The following GRIP1 variants were observed in gnomAD, a reference collection of about 807,000 sequenced individuals.
GRIP1 encodes glutamate receptor interacting protein 1.
In GRIP1, 45 loss-of-function variants were observed where a neutral mutation model predicts 129.9. The ratio of observed to expected loss-of-function variants is 0.35; its 90% CI spans 0.27 to 0.44. GRIP1 has a LOEUF of 0.44. Ranked by LOEUF, GRIP1 falls within the 20% of genes least tolerant of loss-of-function variation. The pLI is 1.00. For synonymous variants in GRIP1, 530 were observed against 520.8 expected, an observed-to-expected ratio of 1.02 and a Z score of -0.24; for missense variants, 1,196 against 1,396.8, an observed-to-expected ratio of 0.86 and a Z score of 2.29.
intron 15 of GRIP1, among the ~76,000 whole-genome samples, chr12:66,416,452 A>C (rs1385473061): frequency 6.6e-6 from 1 of 152,176 alleles, no homozygotes; most frequent in African/African-American, 2.4e-5. Flanking sequence ...AACAATGCAA[A>C]GATCAATGAA....
At chr12:66,497,987 T>C (rs1040239696) in intron 7 of GRIP1, among the ~76,000 whole-genome samples, 2 of 151,720 alleles carry the variant, frequency 1.3e-5, no homozygotes, top group Admixed American at 1.3e-4. Flanking sequence ...TCCTGGCTCA[T>C]CCTGGCTCAA....
intron 3 of GRIP1, 53 bp from the exon 4 acceptor site, chr12:66,539,276 C>A (rs139964262): frequency 6.2e-7 from 1 of 1,611,146 alleles, no homozygotes; most frequent in African/African-American, 1.3e-5. Flanking sequence ...ATAGGCCAGT[C>A]TGACTATATT....
chr12:67,026,921 G>C (rs2042949436), intron 1 of GRIP1, among the ~76,000 whole-genome samples: 1 of 152,128 alleles, frequency 6.6e-6, no homozygotes, highest in Non-Finnish European at 1.5e-5. Flanking sequence ...TGTGTTTGTA[G>C]TTTTTTGTTG....
intron 1 of GRIP1, among the ~76,000 whole-genome samples, chr12:66,842,977 T>C (rs977961960): frequency 1.3e-4 from 20 of 152,176 alleles, no homozygotes; most frequent in African/African-American, 4.6e-4. Flanking sequence ...CAAAATATCA[T>C]ATACATCTGT....
chr12:66,601,711 G>C lies in GRIP1; in HGVS notation c.56-4784C>G, dbSNP rs535980635. On this transcript the variant is annotated intron_variant, in intron 1 of 24. Coordinates refer to ENST00000359742, the MANE Select transcript of GRIP1 (RefSeq NM_001366722.1). The stretch of plus-strand genomic sequence containing the variant: ...AGTTAAACATTATGACCATTTCCCA[G>C]CAGAGAGGAGACAGGCAGGGCATGC... Among the ~76,000 whole-genome samples the C allele has an allele frequency of 1.1e-4, 17 of 152,324 alleles. 1 individual carries two copies. The South Asian group carries it at 3.3e-3, about 30-fold the overall frequency.
At chr12:66,718,777 G>A (rs969582068) in intron 1 of GRIP1, among the ~76,000 whole-genome samples, 1 of 152,044 alleles carries the variant, frequency 6.6e-6, no homozygotes, top group African/African-American at 2.4e-5. Flanking sequence ...GCTTGAAGAT[G>A]GGAGGTGGAG....
chr12:66,808,268 TG>T (rs1272302768), upstream of GRIP1, among the ~76,000 whole-genome samples: 1 of 152,028 alleles, frequency 6.6e-6, no homozygotes, highest in Non-Finnish European at 1.5e-5. Flanking sequence ...TTGGCTCACA[TG>T]AATGTTTGTG....
rs921779620 is a variant in GRIP1, at chr12:66,901,113, A to G, written c.58+167937T>C. ...ATTTTTAAGTTTAAAATGAAAGGAA[A>G]TCTTGATTACATGGGTTAAAAGAAC... On this transcript the variant is annotated intron_variant, in intron 1 of 1. Coordinates refer to the GRIP1 transcript ENST00000643019. 3.3e-5 allele frequency among the ~76,000 whole-genome samples: 5 copies of G among 152,212 alleles called. No homozygotes were observed. In the South Asian group the frequency reaches 6.2e-4, roughly 19 times the overall value.
intron 1 of GRIP1, among the ~76,000 whole-genome samples, chr12:66,816,623 A>C (rs763655360): frequency 6.6e-6 from 1 of 152,208 alleles, no homozygotes; most frequent in East Asian, 1.9e-4. Flanking sequence ...ACACTGGTAC[A>C]TTTTAAGAAA....
chr12:67,032,946 T>A (rs2135784147), intron 1 of GRIP1, among the ~76,000 whole-genome samples: 1 of 152,290 alleles, frequency 6.6e-6, no homozygotes, highest in Admixed American at 6.5e-5. Flanking sequence ...ATTATTTAAA[T>A]AATTTACATT....
intron 1 of GRIP1, among the ~76,000 whole-genome samples, chr12:66,628,758 C>T (rs906433274): frequency 7.9e-5 from 12 of 152,170 alleles, no homozygotes; most frequent in African/African-American, 2.4e-4. Flanking sequence ...GGTTAGAGGC[C>T]GGGGACGCTG....
At chr12:66,625,234 A>G (rs553700356) in intron 1 of GRIP1, among the ~76,000 whole-genome samples, 2 of 152,272 alleles carry the variant, frequency 1.3e-5, no homozygotes, top group Non-Finnish European at 2.9e-5. Flanking sequence ...TTCTTAACCA[A>G]TGTAACTCGC....
intron 1 of GRIP1, among the ~76,000 whole-genome samples, chr12:66,856,034 A>C (rs1361241584): frequency 6.6e-6 from 1 of 152,062 alleles, no homozygotes; most frequent in African/African-American, 2.4e-5. Flanking sequence ...AGAAAATTTT[A>C]TAGCATTTCT....
chr12:66,991,093 A>C (rs559780102), intron 1 of GRIP1, among the ~76,000 whole-genome samples: 91 of 152,212 alleles, frequency 6.0e-4, no homozygotes, highest in African/African-American at 2.2e-3. Flanking sequence ...TAACAGGGTG[A>C]AATCCCGTCT....
intron 2 of GRIP1, among the ~76,000 whole-genome samples, chr12:66,578,405 G>A (rs1246632295): frequency 1.3e-5 from 2 of 151,704 alleles, no homozygotes; most frequent in African/African-American, 4.8e-5. Context: ...GACAGTGGGT[G>A]CAGGTCAGTG....
chr12:66,547,372 T>C (rs765561127), intron 2 of GRIP1, among the ~76,000 whole-genome samples: 11 of 152,188 alleles, frequency 7.2e-5, no homozygotes, highest in Admixed American at 3.9e-4. Context: ...TAGCAGTTTA[T>C]TAGAAAACTA....
chr12:66,905,838 C>G (rs908001224), intron 1 of GRIP1, among the ~76,000 whole-genome samples: 2 of 152,186 alleles, frequency 1.3e-5, no homozygotes, highest in African/African-American at 2.4e-5. Flanking sequence ...TCGCAAGTTA[C>G]CTTAATAAAA....
At chr12:66,549,045 T>G (rs2062038361) in intron 2 of GRIP1, among the ~76,000 whole-genome samples, 1 of 152,190 alleles carries the variant, frequency 6.6e-6, no homozygotes, top group Non-Finnish European at 1.5e-5. Context: ...AAAAATACTA[T>G]TAACAGTTAA....
intron 24 of GRIP1, among the ~76,000 whole-genome samples, chr12:66,351,555 GGTTT>G (rs2054222069): frequency 1.4e-5 from 2 of 143,514 alleles, no homozygotes; most frequent in Non-Finnish European, 1.5e-5. Context: ...ACAGGAAGGT[GGTTT>G]TTTTTTTTTT....
Sources: gnomAD v4.1 joint callset for allele counts (sites outside exome capture counted in the v4.1 genomes callset) on GRCh38, gnomAD v4.1.1 for gene constraint, MANE v1.5 for transcripts, NCBI Gene and HGNC (gene_info 2026-07-23, HGNC 2026-07-21) for gene names.